The following AP3B1 variants were observed in gnomAD, a reference collection of about 807,000 sequenced individuals.
AP3B1 encodes the protein adaptor related protein complex 3 subunit beta 1.
Under a neutral mutation model 132.5 loss-of-function variants are expected in AP3B1, and 61 were observed. That is an observed-to-expected ratio of 0.46 (90% CI 0.37 to 0.57). The LOEUF (loss-of-function observed/expected upper bound fraction) is 0.57, where lower values mean the gene tolerates loss of function less well. Ranked by LOEUF, AP3B1 falls within the 20% of genes least tolerant of loss-of-function variation. AP3B1 has a pLI of 0.00. For synonymous variants in AP3B1, 388 were observed against 438.3 expected (o/e 0.89, Z 1.43); for missense variants, 1,120 against 1,289.4 (o/e 0.87, Z 2.01).
At chr5:78,223,023 G>C (rs368919397) in intron 6 of AP3B1, among the ~76,000 whole-genome samples, 26 of 98,488 alleles carry the variant, frequency 2.6e-4, no homozygotes, top group Admixed American at 2.1e-3. Context: ...TTGTTTGTTT[G>C]TTTCTTTTTT....
At chr5:78,048,018 TA>T (rs1748415234) in intron 22 of AP3B1, among the ~76,000 whole-genome samples, 3 of 152,196 alleles carry the variant, frequency 2.0e-5, no homozygotes, top group Non-Finnish European at 4.4e-5. Flanking sequence ...AAAGGGTGAA[TA>T]GGAGCTAAAA....
rs546363913 is a variant in AP3B1 at position 78,101,236 on chromosome 5, A to G, written c.2398-211T>C. On this transcript the variant is annotated intron_variant, in intron 20 of 26. Transcript: ENST00000255194. ...TACCCACTATGCAAACTCTTAAACT[A>G]TTTTGTGTTTAAAAATTATAAATGT... 96 of 497,486 alleles carry G rather than the reference A, an allele frequency of 1.9e-4. 1 individual carries two copies. In the South Asian group the frequency reaches 2.1e-3, roughly 11 times the overall value. The allele number at this position is 497,486 out of a possible 1,614,324, so 30.8% of individuals were successfully genotyped here. A position where few individuals can be genotyped will look rare whatever the true frequency, so the allele number is the denominator to read the frequency against.
intron 1 of AP3B1, among the ~76,000 whole-genome samples, chr5:78,290,312 C>T (rs371937072): frequency 6.6e-6 from 1 of 152,058 alleles, no homozygotes; most frequent in Admixed American, 6.5e-5. Context: ...GTCTGGAACT[C>T]CTGGGTTCAA....
intron 20 of AP3B1, among the ~76,000 whole-genome samples, chr5:78,109,101 T>C (rs565047650): frequency 2.6e-5 from 4 of 152,304 alleles, no homozygotes; most frequent in Non-Finnish European, 5.9e-5. Flanking sequence ...AGTTTTTATA[T>C]GAGGCCAGAT....
chr5:78,035,965 A>G (rs910283490), intron 23 of AP3B1, among the ~76,000 whole-genome samples: 10 of 152,222 alleles, frequency 6.6e-5, no homozygotes, highest in East Asian at 3.9e-4. Flanking sequence ...CTTCTGTGCC[A>G]TAACTATTTT....
intron 2 of AP3B1, among the ~76,000 whole-genome samples, chr5:78,255,662 T>C (rs1747818086): frequency 6.6e-6 from 1 of 152,024 alleles, no homozygotes; most frequent in Non-Finnish European, 1.5e-5. Flanking sequence ...GACTTCAACA[T>C]TCCACTTTCA....
intron 7 of AP3B1, among the ~76,000 whole-genome samples, chr5:78,206,953 G>A (rs565893800): frequency 6.6e-6 from 1 of 151,844 alleles, no homozygotes; most frequent in East Asian, 1.9e-4. Context: ...GAAATCCTGT[G>A]TTTATAAAAA....
At chr5:78,275,881 A>C (rs1281994192) in intron 1 of AP3B1, among the ~76,000 whole-genome samples, 2 of 152,186 alleles carry the variant, frequency 1.3e-5, no homozygotes, top group Non-Finnish European at 2.9e-5. Context: ...TTAAACTTAC[A>C]AGCATAGAAC....
intron 7 of AP3B1, among the ~76,000 whole-genome samples, chr5:78,201,676 T>C (rs1166448833): frequency 2.6e-5 from 4 of 152,206 alleles, no homozygotes; most frequent in East Asian, 1.9e-4. Flanking sequence ...TGATCAGGAC[T>C]TCCTGAGCAA....
At chr5:78,227,232 G>A (rs2112494340) in intron 5 of AP3B1, 140 bp downstream of exon 5, 1 of 820,858 alleles carries the variant, frequency 1.2e-6, no homozygotes, top group Non-Finnish European at 1.9e-6. Flanking sequence ...TGCAGCAGGG[G>A]GAAATACCAT....
chr5:78,160,830 T>G (rs908324078), intron 13 of AP3B1, among the ~76,000 whole-genome samples: 3 of 152,032 alleles, frequency 2.0e-5, no homozygotes, highest in African/African-American at 7.2e-5. Context: ...GATATAAATA[T>G]TCTCCTTATT....
At chr5:78,107,758 T>C (rs893812618) in intron 20 of AP3B1, among the ~76,000 whole-genome samples, 6 of 152,066 alleles carry the variant, frequency 3.9e-5, no homozygotes, top group Non-Finnish European at 1.5e-5. Flanking sequence ...ACAACTTGAA[T>C]AGTGTAAAAA....
chr5:78,173,623 T>C (rs1561456809), intron 11 of AP3B1, among the ~76,000 whole-genome samples: 1 of 150,362 alleles, frequency 6.7e-6, no homozygotes, highest in African/African-American at 2.5e-5. Flanking sequence ...CATCCCTTTA[T>C]TTTGAGCCTA....
chr5:78,043,908 G>A, intron 22 of AP3B1: 1 of 355,316 alleles, frequency 2.8e-6, no homozygotes, highest in Non-Finnish European at 5.5e-6. Flanking sequence ...ATTACCATGG[G>A]TTGGGGATGA....
At chr5:78,054,492 G>A (rs1305884080) in intron 22 of AP3B1, among the ~76,000 whole-genome samples, 2 of 146,140 alleles carry the variant, frequency 1.4e-5, no homozygotes, top group South Asian at 2.1e-4. Flanking sequence ...AACAATCTTG[G>A]TAGTAACAAT....
chr5:78,284,723 G>T (rs1416367051), intron 1 of AP3B1, among the ~76,000 whole-genome samples: 1 of 152,100 alleles, frequency 6.6e-6, no homozygotes, highest in African/African-American at 2.4e-5. Flanking sequence ...AATTAGGGTT[G>T]TTATTTTTCA....
chr5:78,181,559 T>C lies in AP3B1; in HGVS notation c.890A>G (p.His297Arg). ...KKKPYTMDPD[H>R]RLLIRNTKPL... ...CTTTGTATTTCTAATTAAGAGTCTA[T>C]GATCTGGATCCATAGTATACGGCTT... is the stretch of plus-strand genomic sequence containing the variant. The change falls in exon 8 of 27, where the codon CAT becomes CGT. Residue 297 changes from histidine (H) to arginine (R), a missense_variant. Physicochemically the swap from His to Arg is conservative, Grantham distance 29. Coordinates refer to ENST00000255194, the MANE Select transcript of AP3B1 (RefSeq NM_003664.5). 6.2e-7 allele frequency: 1 copy of C among 1,613,256 alleles called. No homozygotes were observed. Among genetic ancestry groups the C allele is most frequent in the South Asian group, 1.1e-5 (1 of 91,058 alleles).
chr5:78,097,021 A>G (rs1750849630), intron 21 of AP3B1, among the ~76,000 whole-genome samples: 3 of 117,002 alleles, frequency 2.6e-5, no homozygotes, highest in African/African-American at 1.2e-4. Flanking sequence ...TGGGGGGGTC[A>G]GCCCCCCGCC....
At chr5:78,279,773 A>G (rs1748959518) in intron 1 of AP3B1, among the ~76,000 whole-genome samples, 2 of 147,656 alleles carry the variant, frequency 1.4e-5, no homozygotes, top group African/African-American at 2.5e-5. Flanking sequence ...TTTTTAACAT[A>G]TTATATAAAA....
Sources: gnomAD v4.1 joint callset for allele counts (sites outside exome capture counted in the v4.1 genomes callset) on GRCh38, gnomAD v4.1.1 for gene constraint, MANE v1.5 for transcripts, NCBI Gene and HGNC (gene_info 2026-07-23, HGNC 2026-07-21) for gene names.